CHD7: variants seen among roughly 807,000 people sequenced by gnomAD.
CHD7 encodes chromodomain helicase DNA binding protein 7.
CHD7 carries 24 observed loss-of-function variants against 307.3 expected under a neutral mutation model. The observed-to-expected ratio is 0.08, with a 90% CI of 0.06 to 0.11. CHD7 has a LOEUF of 0.11. Ranked by LOEUF, CHD7 falls within the 10% of genes least tolerant of loss-of-function variation. CHD7 has a pLI of 1.00. For synonymous variants in CHD7, 1,363 were observed against 1,349.9 expected, an observed-to-expected ratio of 1.01 and a Z score of -0.21; for missense variants, 3,106 against 3,727.1, an observed-to-expected ratio of 0.83 and a Z score of 4.34.
At chr8:60,777,214 T>C (rs1810993092) in intron 2 of CHD7, among the ~76,000 whole-genome samples, 1 of 152,212 alleles carries the variant, frequency 6.6e-6, no homozygotes. Flanking sequence ...CTTGTTTGTA[T>C]GTAAATAAAC....
At chr8:60,749,952 C>T (rs967036367) in intron 2 of CHD7, among the ~76,000 whole-genome samples, 19 of 152,150 alleles carry the variant, frequency 1.2e-4, no homozygotes, top group Non-Finnish European at 1.0e-4. Flanking sequence ...CTGCGTTTTT[C>T]CTCAACATCC....
intron 1 of CHD7, among the ~76,000 whole-genome samples, chr8:60,714,938 C>A (rs984196746): frequency 2.6e-5 from 4 of 152,216 alleles, no homozygotes; most frequent in African/African-American, 9.6e-5. Flanking sequence ...AGCATGAGGG[C>A]GCAGGCGCCA....
At chr8:60,730,704 CA>C (rs1808407523) in intron 1 of CHD7, among the ~76,000 whole-genome samples, 1 of 152,004 alleles carries the variant, frequency 6.6e-6, no homozygotes, top group Non-Finnish European at 1.5e-5. Flanking sequence ...ACTAAAAATA[CA>C]AAAAATTAGC....
chr8:60,774,874 A>G (rs1449498241), intron 2 of CHD7, among the ~76,000 whole-genome samples: 2 of 152,160 alleles, frequency 1.3e-5, no homozygotes, highest in Non-Finnish European at 1.5e-5. Context: ...ACACATTGTG[A>G]ATGCTGTTGG....
intron 3 of CHD7, among the ~76,000 whole-genome samples, chr8:60,788,360 C>T (rs1468300332): frequency 1.3e-5 from 2 of 151,990 alleles, no homozygotes; most frequent in Non-Finnish European, 2.9e-5. Flanking sequence ...AGGCTGGTCT[C>T]GAACTCCTGG....
rs997376949 is a variant in CHD7, at chr8:60,823,757, G to C, written c.3202-83G>C. 8 of 1,118,142 alleles carry C rather than the reference G, an allele frequency of 7.2e-6. No homozygotes were observed. In the African/African-American group the frequency reaches 1.1e-4, roughly 15 times the overall value. The allele number at this position is 1,118,142 out of a possible 1,614,324, so 69.3% of individuals were successfully genotyped here. ...AAGAGATCTCCAAAGGGATAAATAC[G>C]TATGTTTTATGCTATTTATTCATCC... On this transcript the variant is annotated intron_variant, in intron 12 of 37. Coordinates refer to ENST00000423902, the MANE Select transcript of CHD7 (RefSeq NM_017780.4).
chr8:60,809,690 AAAAAG>A (rs1165216268), intron 7 of CHD7: 1 of 150,412 alleles, frequency 6.6e-6, no homozygotes, highest in African/African-American at 2.5e-5. Context: ...AAAAAAAAAA[AAAAAG>A]AAAAAAAAGG....
intron 2 of CHD7, among the ~76,000 whole-genome samples, chr8:60,749,682 G>T (rs1352491683): frequency 5.9e-5 from 9 of 152,270 alleles, no homozygotes; most frequent in African/African-American, 1.9e-4. Flanking sequence ...AGGCACCCAG[G>T]CTGGACCTCA....
At position 60,681,443 on chromosome 8, in the gene CHD7, C is replaced by A. The variant is rs376512547; in HGVS notation, c.-175+2361C>A. ...TAATAAAGAGGCTGAAAGCTAGATG[C>A]TTGGGGCATGGAGTAGGACTTGGTT... On this transcript the variant is annotated intron_variant, in intron 1 of 37. Coordinates refer to ENST00000423902, the MANE Select transcript of CHD7 (RefSeq NM_017780.4). Among the ~76,000 whole-genome samples the A allele has an allele frequency of 2.0e-5, 3 of 152,114 alleles. No individual in the cohort carries two copies. In the East Asian group the frequency reaches 5.8e-4, roughly 29 times the overall value.
intron 1 of CHD7, among the ~76,000 whole-genome samples, chr8:60,699,892 A>G (rs752506730): frequency 2.6e-5 from 4 of 150,956 alleles, no homozygotes; most frequent in South Asian, 2.1e-4. Flanking sequence ...CTGGTGTGCA[A>G]TGGCGTGATT....
In CHD7 at chr8:60,844,921, G is replaced by C. The variant is rs754082843; in HGVS notation, c.4908G>C (p.Glu1636Asp). 1 of 1,613,486 alleles carries C rather than the reference G, an allele frequency of 6.2e-7. No homozygotes were observed. The highest frequency in any genetic ancestry group is 8.5e-7 in the Non-Finnish European group (1 of 1,179,550). ...GACGCTATAAACGCCAACTCACTGAGCAAGATGTAGAAACCATCTGCAGAA... is the reference window on the plus strand; with the variant it reads ...GACGCTATAAACGCCAACTCACTGACCAAGATGTAGAAACCATCTGCAGAA... ...SHGRYKRQLT[E>D]QDVETICRTI... Residue 1636 changes from glutamate (E) to aspartate (D), a missense_variant, in exon 22 of 38, where the codon GAG becomes GAC. This residue lies in a region of CHD7 where 122 missense variants were observed against 124.5 expected (regional missense o/e 0.98). Transcript: ENST00000423902.
chr8:60,816,351 T>G (rs1221227203), intron 7 of CHD7, 36 bp from the exon 8 acceptor site: 1 of 1,097,150 alleles, frequency 9.1e-7, no homozygotes, highest in Admixed American at 2.2e-5. Flanking sequence ...TTAATTATAT[T>G]CTACATATTT....
intron 1 of CHD7, among the ~76,000 whole-genome samples, chr8:60,727,605 T>G (rs1004163235): frequency 1.3e-5 from 2 of 152,190 alleles, no homozygotes; most frequent in Non-Finnish European, 2.9e-5. Flanking sequence ...GTTGGCTGAC[T>G]CCTCTGCCTG....
At position 60,865,977 on chromosome 8, in the gene CHD7, G is replaced by A; in HGVS notation, c.*44G>A. 6.7e-7 allele frequency: 1 copy of A among 1,494,032 alleles called. No homozygotes were observed. The allele number at this position is 1,494,032 out of a possible 1,614,324, so 92.5% of individuals were successfully genotyped here. ...CAAGTGTTTAAAACTTTTGACAAGT[G>A]GTAGTCCTACTGTTTACACTCACAG... On this transcript the variant is annotated 3_prime_UTR_variant, in exon 38 of 38. Transcript: ENST00000423902. This position sits in a 1 kb window ranked among gnomAD's most constrained non-coding sequence, Gnocchi z 4.3.
chr8:60,690,876 T>C (rs1414187163), intron 1 of CHD7, among the ~76,000 whole-genome samples: 1 of 152,252 alleles, frequency 6.6e-6, no homozygotes, highest in East Asian at 1.9e-4. Context: ...TGTCATTTTC[T>C]GCAGCTCAGT....
intron 1 of CHD7, among the ~76,000 whole-genome samples, chr8:60,707,616 T>G (rs945428870): frequency 1.3e-5 from 2 of 152,256 alleles, no homozygotes; most frequent in African/African-American, 4.8e-5. Flanking sequence ...TATTAATAGA[T>G]GACCAGCACT....
intron 1 of CHD7, among the ~76,000 whole-genome samples, chr8:60,695,099 A>G (rs1806404504): frequency 6.6e-6 from 1 of 152,132 alleles, no homozygotes; most frequent in South Asian, 2.1e-4. Flanking sequence ...CCTGGCATGG[A>G]GCGGAGAATA....
chr8:60,740,205 A>G (rs1808923186), intron 1 of CHD7, among the ~76,000 whole-genome samples: 1 of 152,256 alleles, frequency 6.6e-6, no homozygotes. Context: ...GTGCGAACAC[A>G]AGTGCCTGCC....
At chr8:60,854,112 C>G (rs759135717) in intron 31 of CHD7, among the ~76,000 whole-genome samples, 5 of 152,176 alleles carry the variant, frequency 3.3e-5, no homozygotes, top group Non-Finnish European at 7.3e-5. Flanking sequence ...GGTTTACTTG[C>G]ACGGTGCTAG....
Sources: allele counts gnomAD v4.1 joint callset (sites outside exome capture counted in the v4.1 genomes callset), GRCh38; gene constraint gnomAD v4.1.1; regional missense constraint gnomAD v4.1.1; non-coding constraint Gnocchi (gnomAD v3.1); transcripts MANE v1.5; gene names NCBI Gene and HGNC (gene_info 2026-07-23, HGNC 2026-07-21).